Variants in LRMDA observed in about 807,000 individuals in gnomAD.
The protein encoded by LRMDA is leucine-rich melanocyte differentiation-associated protein.
LRMDA carries 18 observed loss-of-function variants against 29.8 expected under a neutral mutation model. The ratio of observed to expected loss-of-function variants is 0.60; its 90% CI spans 0.42 to 0.90. The LOEUF (loss-of-function observed/expected upper bound fraction) is 0.90. Among genes scored for constraint, LRMDA ranks in the 40% least tolerant of loss-of-function variants. The pLI, the probability that LRMDA is intolerant of heterozygous loss-of-function variation, is 0.00. For missense variants in LRMDA, 273 were observed against 273.9 expected (o/e 1.00, Z 0.02); for synonymous variants, 125 against 109.4 (o/e 1.14, Z -0.89).
chr10:75,851,994 A>T (rs1844740211), intron 2 of LRMDA, among the ~76,000 whole-genome samples: 1 of 152,190 alleles, frequency 6.6e-6, no homozygotes, highest in African/African-American at 2.4e-5. Context: ...GGCTCTCTGG[A>T]AGGTCCAAAT....
chr10:75,945,888 A>T (rs1846467902), intron 2 of LRMDA, among the ~76,000 whole-genome samples: 1 of 152,086 alleles, frequency 6.6e-6, no homozygotes, highest in South Asian at 2.1e-4. Context: ...AAGTTCAGAG[A>T]GGGGATGTGA....
chr10:75,746,303 C>T (rs775610989), intron 2 of LRMDA, among the ~76,000 whole-genome samples: 1 of 152,228 alleles, frequency 6.6e-6, no homozygotes, highest in African/African-American at 2.4e-5. Context: ...AATTCCAACT[C>T]ACTGAATTCT....
intron 2 of LRMDA, among the ~76,000 whole-genome samples, chr10:75,769,516 G>A (rs1843211284): frequency 6.6e-6 from 1 of 152,164 alleles, no homozygotes; most frequent in African/African-American, 2.4e-5. Flanking sequence ...GTTTCTATGT[G>A]TGAATGCAAA....
chr10:75,759,380 T>C (rs942214369), intron 2 of LRMDA, among the ~76,000 whole-genome samples: 1 of 152,256 alleles, frequency 6.6e-6, no homozygotes, highest in African/African-American at 2.4e-5. Context: ...AATTAACTTA[T>C]ACTCTATAGA....
At chr10:76,416,670 C>T (rs569809739) in intron 6 of LRMDA, among the ~76,000 whole-genome samples, 4 of 152,222 alleles carry the variant, frequency 2.6e-5, no homozygotes, top group Non-Finnish European at 5.9e-5. Context: ...GTCTGCTTAA[C>T]AGGCTCATGT....
chr10:75,694,576 G>A (rs1842209166), intron 2 of LRMDA, among the ~76,000 whole-genome samples: 1 of 152,118 alleles, frequency 6.6e-6, no homozygotes, highest in African/African-American at 2.4e-5. Context: ...TGTATATGGA[G>A]GAATTCCCAC....
chr10:75,954,811 A>G (rs1243212472), intron 2 of LRMDA, among the ~76,000 whole-genome samples: 1 of 152,208 alleles, frequency 6.6e-6, no homozygotes, highest in Admixed American at 6.5e-5. Flanking sequence ...TTTGTGTGAG[A>G]AACACAAACA....
intron 2 of LRMDA, among the ~76,000 whole-genome samples, chr10:75,625,224 A>G (rs979505385): frequency 3.3e-5 from 5 of 152,204 alleles, no homozygotes; most frequent in Non-Finnish European, 5.9e-5. Flanking sequence ...GTTGCTGCAT[A>G]CAAGCACTGT....
intron 2 of LRMDA, among the ~76,000 whole-genome samples, chr10:75,518,266 C>T (rs954188885): frequency 6.6e-6 from 1 of 152,254 alleles, no homozygotes; most frequent in East Asian, 1.9e-4. Context: ...GGAATAGTTT[C>T]AGAAGGAATG....
intron 2 of LRMDA, among the ~76,000 whole-genome samples, chr10:75,504,234 T>C (rs1845146873): frequency 6.6e-6 from 1 of 152,124 alleles, no homozygotes; most frequent in Non-Finnish European, 1.5e-5. Context: ...GCGTAAGCAA[T>C]CCACCTGCCT....
chr10:76,467,931 A>G (rs11001790), intron 6 of LRMDA, among the ~76,000 whole-genome samples: 52,984 of 152,084 alleles, frequency 0.35, 10,790 homozygotes, highest in Middle Eastern at 0.54. Flanking sequence ...TTGCTTTTGT[A>G]AGACTAAATA....
chr10:75,894,224 T>G (rs940248021), intron 2 of LRMDA, among the ~76,000 whole-genome samples: 1 of 151,996 alleles, frequency 6.6e-6, no homozygotes, highest in African/African-American at 2.4e-5. Flanking sequence ...GTATCATTCT[T>G]ATGCCTTTGT....
At chr10:76,264,657 G>T (rs556020160) in intron 5 of LRMDA, among the ~76,000 whole-genome samples, 222 of 152,070 alleles carry the variant, frequency 1.5e-3, no homozygotes, top group Non-Finnish European at 2.4e-3. Flanking sequence ...CTCATCTCTC[G>T]TCTGTTTTAA....
intron 2 of LRMDA, among the ~76,000 whole-genome samples, chr10:75,744,706 C>T (rs1048309805): frequency 2.0e-5 from 3 of 152,084 alleles, no homozygotes; most frequent in East Asian, 1.9e-4. Flanking sequence ...GTAGTTCGGT[C>T]GTCTTTCTGT....
intron 5 of LRMDA, among the ~76,000 whole-genome samples, chr10:76,240,859 TAC>T (rs1852264086): frequency 7.1e-6 from 1 of 141,802 alleles, no homozygotes; most frequent in South Asian, 2.3e-4. Flanking sequence ...TATATATATA[TAC>T]ATATATATAT....
At chr10:75,578,840 A>G (rs1840547148) in intron 2 of LRMDA, among the ~76,000 whole-genome samples, 1 of 152,002 alleles carries the variant, frequency 6.6e-6, no homozygotes, top group Non-Finnish European at 1.5e-5. Context: ...TTTGAAAAAA[A>G]AAAAAAAAGA....
intron 6 of LRMDA, among the ~76,000 whole-genome samples, chr10:76,394,591 C>A (rs1033474299): frequency 1.3e-5 from 2 of 152,096 alleles, no homozygotes; most frequent in African/African-American, 4.8e-5. Context: ...GTTTTTGAGT[C>A]AGCTCACTCA....
intron 2 of LRMDA, among the ~76,000 whole-genome samples, chr10:75,646,972 G>A (rs1841529744): frequency 6.6e-6 from 1 of 152,186 alleles, no homozygotes; most frequent in South Asian, 2.1e-4. Flanking sequence ...AGGGAAATAT[G>A]TTATGGCAGA....
intron 2 of LRMDA, among the ~76,000 whole-genome samples, chr10:75,574,154 C>A (rs768885000): frequency 6.6e-6 from 1 of 152,100 alleles, no homozygotes; most frequent in Non-Finnish European, 1.5e-5. Context: ...ATGTCCTATC[C>A]CTCTGAAGGC....
Sources: gnomAD v4.1 joint callset for allele counts (sites outside exome capture counted in the v4.1 genomes callset) on GRCh38, gnomAD v4.1.1 for gene constraint, MANE v1.5 for transcripts, NCBI Gene and HGNC (gene_info 2026-07-23, HGNC 2026-07-21) for gene names.